The following PDIA4 variants were observed in gnomAD, a reference collection of about 807,000 sequenced individuals.
The protein encoded by PDIA4 is protein disulfide isomerase family A member 4.
A neutral mutation model predicts 62.1 loss-of-function variants in PDIA4; 33 were observed. That is an observed-to-expected ratio of 0.53 (90% CI 0.40 to 0.71). The LOEUF (loss-of-function observed/expected upper bound fraction) is 0.71, where lower values mean the gene tolerates loss of function less well. Ranked by LOEUF, PDIA4 falls within the 30% of genes least tolerant of loss-of-function variation. The probability of loss-of-function intolerance (pLI) is 0.00; values close to 1 mark genes in which losing one functional copy is unlikely to be tolerated. For synonymous variants in PDIA4, 341 were observed against 324.1 expected, an observed-to-expected ratio of 1.05 and a Z score of -0.56; for missense variants, 804 against 813.6, an observed-to-expected ratio of 0.99 and a Z score of 0.14.
At chr7:149,005,110 T>C in intron 9 of PDIA4, 31 bp downstream of exon 9, 2 of 1,544,924 alleles carry the variant, frequency 1.3e-6, no homozygotes, top group Non-Finnish European at 1.8e-6. Flanking sequence ...CAGCAGCTGA[T>C]GGGAGACCCC....
chr7:149,005,460 G>C, intron 8 of PDIA4, 86 bp from the exon 9 acceptor site: 1 of 825,570 alleles, frequency 1.2e-6, no homozygotes, highest in African/African-American at 1.7e-5. Context: ...AGGTCCTGTC[G>C]CTAATATTCT....
Position 149,019,186 on chromosome 7 carries a change from C to T in PDIA4, c.281G>A (p.Cys94Tyr). ...LEFYAPWCGHCKQFAPEYEKI... is the reference protein window; with the variant it reads ...LEFYAPWCGHYKQFAPEYEKI... ...TTCATATTCCGGAGCAAACTGCTTG[C>T]AATGTCCACACCTAACAATTAGATT... The change falls in exon 3 of 10, where the codon TGC becomes TAC. Residue 94 changes from cysteine (C) to tyrosine (Y), a missense_variant. By Grantham distance (194) the Cys-to-Tyr change is radical. Coordinates refer to ENST00000652332, the MANE Select transcript of PDIA4 (RefSeq NM_004911.5). The T allele has an allele frequency of 6.2e-7, 1 of 1,611,670 alleles. No homozygotes were observed. The highest frequency in any genetic ancestry group is 1.1e-5 in the South Asian group (1 of 91,030).
rs1223470292 is a variant in PDIA4 at position 149,028,320 on chromosome 7, C to A, written c.88+1G>T. 1 of 1,521,056 alleles carries A rather than the reference C, an allele frequency of 6.6e-7. No homozygotes were observed. Among genetic ancestry groups the A allele is most frequent in the South Asian group, 1.2e-5 (1 of 82,246 alleles). 94.2% of individuals were successfully genotyped at this position (1,521,056 alleles called of 1,614,324 possible). ...CGACCCGCGGCGCGCTTGCCGCTCA[C>A]CCTCGTCCGGGCCCTCGGCACCCGC... On this transcript the variant is annotated splice_donor_variant, in intron 1 of 9. Transcript: ENST00000652332. LOFTEE classifies it high-confidence loss of function.
At chr7:149,007,521 C>T (rs537021455) in intron 7 of PDIA4, among the ~76,000 whole-genome samples, 2 of 152,344 alleles carry the variant, frequency 1.3e-5, no homozygotes, top group Admixed American at 1.3e-4. Context: ...TAAGATCCTT[C>T]CAAATCTGAG....
Position 149,012,200 on chromosome 7 carries a change from G to A in PDIA4, c.775C>T (p.Arg259Cys), listed in dbSNP as rs1407612668. The change falls in exon 5 of 10, where the codon CGC becomes TGC. Residue 259 changes from arginine to cysteine, a missense_variant. Physicochemically the swap from Arg to Cys is radical, Grantham distance 180. Coordinates refer to ENST00000652332, the MANE Select transcript of PDIA4 (RefSeq NM_004911.5). ...VSGYPTLKIF[R>C]KGRPYDYNGP... ...TTGTAGTCATAAGGCCTTCCTTTGC[G>A]GAAAATTTTCAGGGTGGGATAGCCA... 9.3e-6 allele frequency: 15 copies of A among 1,613,994 alleles called. No homozygotes were observed. The highest frequency in any genetic ancestry group is 2.7e-5 in the African/African-American group (2 of 74,872).
chr7:149,007,547 TGC>T (rs1823805345), intron 7 of PDIA4, among the ~76,000 whole-genome samples: 1 of 152,228 alleles, frequency 6.6e-6, no homozygotes, highest in Non-Finnish European at 1.5e-5. Flanking sequence ...CTCACCGAAG[TGC>T]AGGGCCCCTT....
In PDIA4 at chr7:149,005,932, T is replaced by C; in HGVS notation, c.1253A>G (p.Tyr418Cys). ...ATCAAAGCTGAAGTCCACACTGTAGTAGACGACCACCAGGGGGCGCCTGGT... is the reference window on the plus strand; with the variant it reads ...ATCAAAGCTGAAGTCCACACTGTAGCAGACGACCACCAGGGGGCGCCTGGT... The part of the protein sequence containing the change: ...RYTRRPLVVV[Y>C]YSVDFSFDYR... The change falls in exon 8 of 10, where the codon TAC (tyrosine) becomes TGC (cysteine). Residue 418 changes from tyrosine (Y) to cysteine (C), a missense_variant. Physicochemically the swap from Tyr to Cys is radical, Grantham distance 194. Transcript: ENST00000652332. 1 of 1,535,254 alleles carries C rather than the reference T, an allele frequency of 6.5e-7. No individual in the cohort carries two copies.
chr7:149,008,851 C>G (rs66691097), intron 6 of PDIA4, among the ~76,000 whole-genome samples: 43,474 of 151,524 alleles, frequency 0.29, 8,011 homozygotes, highest in African/African-American at 0.53. Flanking sequence ...TCCTGGCCGG[C>G]CACAGTGGCT....
chr7:149,005,278 AC>A lies in PDIA4; in HGVS notation c.1384del (p.Val462Ter). The A allele has an allele frequency of 6.2e-7, 1 of 1,613,572 alleles. No individual in the cohort carries two copies. Among genetic ancestry groups the A allele is most frequent in the Non-Finnish European group, 8.5e-7 (1 of 1,179,886 alleles). Reference protein sequence around the residue: ...IADEEDYAGEVKDLGLSESGE... With the variant: ...IADEEDYAGEXKDLGLSESGE... The stretch of plus-strand genomic sequence containing the variant: ...ACTCTCGCTGAGCCCCAGGTCCTTC[AC>A]CTCCCCAGCATAGTCCTCTTCGTCC... On this transcript the variant is annotated frameshift_variant, in exon 9 of 10. Coordinates refer to ENST00000652332, the MANE Select transcript of PDIA4 (RefSeq NM_004911.5). LOFTEE classifies it high-confidence loss of function.
chr7:149,003,980 G>A lies in PDIA4; in HGVS notation c.1752C>T (p.Asp584=), dbSNP rs761901124. ...GQKGLVIAKM[D]ATANDVPSDR... ...CGCTGGGGACGTCGTTGGCAGTGGC[G>A]TCCATCTTGGCGATGACCAGGCCCT... The change falls in exon 10 of 10, where the codon GAC becomes GAT. Residue 584 remains aspartate (D), a synonymous_variant. Transcript: ENST00000652332. 3.1e-5 allele frequency: 50 copies of A among 1,613,266 alleles called. No individual in the cohort carries two copies. Among genetic ancestry groups the A allele is most frequent in the Non-Finnish European group, 3.8e-5 (45 of 1,179,392 alleles).
chr7:149,006,284 A>C lies in PDIA4; in HGVS notation c.1132-231T>G, dbSNP rs1395581844. 6 of 472,934 alleles carry C rather than the reference A, an allele frequency of 1.3e-5. No individual in the cohort carries two copies. In the East Asian group the frequency reaches 2.5e-4, roughly 19 times the overall value. 29.3% of individuals were successfully genotyped at this position (472,934 alleles called of 1,614,324 possible). Reference sequence around the variant, plus strand: ...GGTGGCTTCTTGGGAAAAGGCAAACACCTTGGCCCTTTCCTTGGGGGTGTA... The same window carrying C: ...GGTGGCTTCTTGGGAAAAGGCAAACCCCTTGGCCCTTTCCTTGGGGGTGTA... On this transcript the variant is annotated intron_variant, in intron 7 of 9. Transcript: ENST00000652332.
Position 149,012,394 on chromosome 7 carries a change from T to C in PDIA4, c.615-34A>G, listed in dbSNP as rs762917426. On this transcript the variant is annotated intron_variant, in intron 4 of 9. Transcript: ENST00000652332. ...AGGAAACTGGTTTGTCAGGGGCTCA[T>C]TCTAGTGTGGACTCACTTTCTAGCT... 12 of 1,569,242 alleles carry C rather than the reference T, an allele frequency of 7.6e-6. No homozygotes were observed. The Middle Eastern group carries it at 6.7e-4, about 87-fold the overall frequency.
intron 1 of PDIA4, among the ~76,000 whole-genome samples, chr7:149,025,078 A>C (rs1824500807): frequency 3.9e-5 from 1 of 25,922 alleles, no homozygotes; most frequent in African/African-American, 5.9e-5. Context: ...CTCAAAAAAA[A>C]AAAAAAAATA....
rs574670469 is a variant in PDIA4 at position 149,005,048 on chromosome 7, G to A, written c.1522+93C>T. On this transcript the variant is annotated intron_variant, in intron 9 of 9. Transcript: ENST00000652332. Reference sequence around the variant, plus strand: ...GCTGACTTAAGGGGGTGTCGTGCCCGTGGCCAGAGCACCAGACGCCCCTGG... The same window carrying A: ...GCTGACTTAAGGGGGTGTCGTGCCCATGGCCAGAGCACCAGACGCCCCTGG... The A allele has an allele frequency of 1.7e-4, 156 of 936,316 alleles. No individual in the cohort carries two copies. In the African/African-American group the frequency reaches 1.8e-3, roughly 11 times the overall value. The allele number at this position is 936,316 out of a possible 1,614,324, so 58.0% of individuals were successfully genotyped here. A position where few individuals can be genotyped will look rare whatever the true frequency, so the allele number is the denominator to read the frequency against.
intron 3 of PDIA4, among the ~76,000 whole-genome samples, chr7:149,016,534 T>C (rs1824145252): frequency 6.6e-6 from 1 of 152,230 alleles, no homozygotes; most frequent in South Asian, 2.1e-4. Context: ...ACCTTTTTTT[T>C]TTTTGAGACA....
chr7:149,010,819 G>C (rs1823919559), intron 6 of PDIA4, among the ~76,000 whole-genome samples: 1 of 152,210 alleles, frequency 6.6e-6, no homozygotes, highest in African/African-American at 2.4e-5. Context: ...TGCCAGGCCT[G>C]CCTGGGACCC....
intron 3 of PDIA4, among the ~76,000 whole-genome samples, chr7:149,015,494 A>C (rs956390886): frequency 2.0e-4 from 4 of 20,428 alleles, no homozygotes; most frequent in Non-Finnish European, 1.3e-3. Flanking sequence ...GATGTATGCA[A>C]AAAAAAAAAA....
chr7:149,013,020 G>A (rs1463692397), intron 4 of PDIA4, among the ~76,000 whole-genome samples: 3 of 152,176 alleles, frequency 2.0e-5, no homozygotes, highest in Non-Finnish European at 4.4e-5. Context: ...GGCCGAGGCA[G>A]GTGGATCACC....
chr7:149,005,835 T>G, intron 8 of PDIA4, 62 bp downstream of exon 8: 1 of 1,340,260 alleles, frequency 7.5e-7, no homozygotes, highest in Non-Finnish European at 9.9e-7. Flanking sequence ...ACACTCCACC[T>G]TGCCTGAAAG....
Sources: allele counts gnomAD v4.1 joint callset (sites outside exome capture counted in the v4.1 genomes callset), GRCh38; gene constraint gnomAD v4.1.1; transcripts MANE v1.5; gene names NCBI Gene and HGNC (gene_info 2026-07-23, HGNC 2026-07-21).